ZNF426: variants seen among roughly 807,000 people sequenced by gnomAD.
The protein encoded by ZNF426 is zinc finger protein 426, also known as CTC-543D15.7.
In ZNF426, 23 loss-of-function variants were observed where a neutral mutation model predicts 24.0. The observed-to-expected ratio is 0.96, with a 90% CI of 0.69 to 1.36. The LOEUF (loss-of-function observed/expected upper bound fraction) is 1.36, where lower values mean the gene tolerates loss of function less well. Among genes scored for constraint, ZNF426 ranks in the 40% most tolerant of loss-of-function variants. The pLI, the probability that ZNF426 is intolerant of heterozygous loss-of-function variation, is 0.00. For missense variants in ZNF426, 646 were observed against 658.4 expected, an observed-to-expected ratio of 0.98 and a Z score of 0.21; for synonymous variants, 272 against 224.6, an observed-to-expected ratio of 1.21 and a Z score of -1.89.
At chr19:9,537,451 C>CTTTT (rs199870394) in intron 2 of ZNF426, among the ~76,000 whole-genome samples, 1 of 137,896 alleles carries the variant, frequency 7.3e-6, no homozygotes, top group African/African-American at 2.8e-5. Flanking sequence ...ATATTTAACT[C>CTTTT]TTTTTTTTTT....
In ZNF426 at chr19:9,529,435, T is replaced by G. The variant is rs747069100; in HGVS notation, c.610A>C (p.Lys204Gln). ...EKLSEFNQSE[K>Q]IFSLTPNIVY... ...ATATTTGGTGTCAGGCTGAAGATTTTTTCACTCTGATTAAACTCAGAAAGT... is the reference window on the plus strand; with the variant it reads ...ATATTTGGTGTCAGGCTGAAGATTTGTTCACTCTGATTAAACTCAGAAAGT... The change falls in exon 8 of 8, where the codon AAA becomes CAA. Residue 204 changes from lysine to glutamine, a missense_variant. Lys to Gln is a moderately conservative substitution (Grantham distance 53). Transcript: ENST00000253115. 6.2e-7 allele frequency: 1 copy of G among 1,613,768 alleles called. No homozygotes were observed. Among genetic ancestry groups the G allele is most frequent in the South Asian group, 1.1e-5 (1 of 90,948 alleles).
chr19:9,535,628 T>C (rs556189858), intron 3 of ZNF426, among the ~76,000 whole-genome samples: 1 of 152,050 alleles, frequency 6.6e-6, no homozygotes, highest in Non-Finnish European at 1.5e-5. Context: ...AGTTCGAGAC[T>C]ACCCTGGACA....
intron 4 of ZNF426, among the ~76,000 whole-genome samples, chr19:9,534,909 A>C (rs895227609): frequency 5.3e-5 from 8 of 152,008 alleles, no homozygotes; most frequent in African/African-American, 1.9e-4. Context: ...ATGATTTCCA[A>C]GTTAGCACCT....
intron 5 of ZNF426, 149 bp from the exon 6 acceptor site, chr19:9,533,074 C>T: frequency 1.5e-6 from 1 of 663,140 alleles, no homozygotes; most frequent in Non-Finnish European, 2.6e-6. Flanking sequence ...GTGCCCCAAA[C>T]AGTCTGGTTA....
intron 3 of ZNF426, among the ~76,000 whole-genome samples, chr19:9,535,999 T>C (rs2073959953): frequency 6.6e-6 from 1 of 152,116 alleles, no homozygotes; most frequent in East Asian, 1.9e-4. Flanking sequence ...TGGGACTCTA[T>C]CATGCTGATT....
Position 9,529,149 on chromosome 19 carries a change from A to T in ZNF426, c.896T>A (p.Met299Lys), listed in dbSNP as rs746879232. 1 of 1,614,224 alleles carries T rather than the reference A, an allele frequency of 6.2e-7. No individual in the cohort carries two copies. The highest frequency in any genetic ancestry group is 1.1e-5 in the South Asian group (1 of 91,086). ...TGGTTTCTCCCCAGTGTGGGTTCGC[A>T]TGTGAATACTGAGGTAGGCTGGGTA... is the stretch of plus-strand genomic sequence containing the variant. Reference protein sequence around the residue: ...YRYPAYLSIHMRTHTGEKPYE... With the variant: ...YRYPAYLSIHKRTHTGEKPYE... Residue 299 changes from methionine (M) to lysine (K), a missense_variant, in exon 8 of 8, where the codon ATG (methionine) becomes AAG (lysine). Physicochemically the swap from Met to Lys is moderately conservative, Grantham distance 95 (BLOSUM62 -1). Transcript: ENST00000253115.
intron 6 of ZNF426, among the ~76,000 whole-genome samples, chr19:9,531,729 A>C (rs1240941197): frequency 6.6e-6 from 1 of 152,208 alleles, no homozygotes; most frequent in East Asian, 1.9e-4. Flanking sequence ...TCATGCCTTT[A>C]ATCCCAGCAC....
Position 9,529,084 on chromosome 19 carries a change from T to A in ZNF426, c.961A>T (p.Asn321Tyr). 6.2e-7 allele frequency: 1 copy of A among 1,613,542 alleles called. No homozygotes were observed. The highest frequency in any genetic ancestry group is 8.5e-7 in the Non-Finnish European group (1 of 1,179,874). The part of the protein sequence containing the change: ...KECGKAFNYS[N>Y]SFQIHGRTHT... ...GTTCTTCCATGTATCTGAAATGAGT[T>A]GGAATAATTGAAGGCTTTCCCACAT... The change falls in exon 8 of 8, where the codon AAC becomes TAC. Residue 321 changes from asparagine (N) to tyrosine (Y), a missense_variant. Physicochemically the swap from Asn to Tyr is moderately radical, Grantham distance 143 (BLOSUM62 -2). Coordinates refer to ENST00000253115, the MANE Select transcript of ZNF426 (RefSeq NM_024106.3).
At position 9,537,129 on chromosome 19, in the gene ZNF426, CA is replaced by C. The variant is rs546953266; in HGVS notation, c.-124-774del. The stretch of plus-strand genomic sequence containing the variant: ...TAGGTGACAGAGCAAGACTCTGTCT[CA>C]AAAAAAAAATAATAATAATAATAAT... On this transcript the variant is annotated intron_variant, in intron 2 of 7. Transcript: ENST00000253115. Among the ~76,000 whole-genome samples the C allele has an allele frequency of 3.7e-4, 50 of 136,096 alleles. 1 individual carries two copies. The East Asian group carries it at 5.9e-3, about 16-fold the overall frequency. The allele number at this position is 136,096 out of a possible 152,430, so 89.3% of individuals were successfully genotyped here. A position where few individuals can be genotyped will look rare whatever the true frequency, so the allele number is the denominator to read the frequency against.
At position 9,524,151 on chromosome 19, in the gene ZNF426, C is replaced by T. The variant is rs1226689059; in HGVS notation, c.*4229G>A. The T allele has an allele frequency of 1.3e-5, 2 of 152,536 alleles. No homozygotes were observed. The highest frequency in any genetic ancestry group is 2.9e-5 in the Non-Finnish European group (2 of 68,122). The allele number at this position is 152,536 out of a possible 1,614,324, so 9.4% of individuals were successfully genotyped here. ...GGGAATCCTGACATACACTTTAAGG[C>T]TTGAGAAATAAGTGAAGATTTTCCC... On this transcript the variant is annotated 3_prime_UTR_variant, in exon 8 of 8. Transcript: ENST00000253115.
At position 9,523,393 on chromosome 19, in the gene ZNF426, T is replaced by C. The variant is rs1055855633; in HGVS notation, c.*4987A>G. ...TTTCCGGTCACTTCACATAAAATTC[T>C]GTGCCTGCTACCCTGGTATCTCTTT... On this transcript the variant is annotated 3_prime_UTR_variant, in exon 8 of 8. Transcript: ENST00000253115. 6.6e-6 allele frequency: 1 copy of C among 152,192 alleles called. No homozygotes were observed. Among genetic ancestry groups the C allele is most frequent in the African/African-American group, 2.4e-5 (1 of 41,420 alleles). The allele number at this position is 152,192 out of a possible 1,614,324, so 9.4% of individuals were successfully genotyped here. A position where few individuals can be genotyped will look rare whatever the true frequency, so the allele number is the denominator to read the frequency against.
Position 9,528,871 on chromosome 19 carries a change from A to G in ZNF426, c.1174T>C (p.Phe392Leu). Reference protein sequence around the residue: ...HIRTHTGEKPFVCVECGKAFA... With the variant: ...HIRTHTGEKPLVCVECGKAFA... ...GCTTTCCCACATTCAACACATACAA[A>G]AGGCTTCTCTCCAGTGTGAGTTCTT... Residue 392 changes from phenylalanine (F) to leucine (L), a missense_variant, in exon 8 of 8, where the codon TTT (phenylalanine) becomes CTT (leucine). Physicochemically the swap from Phe to Leu is conservative, Grantham distance 22 (BLOSUM62 0). Transcript: ENST00000253115. 10 of 1,614,220 alleles carry G rather than the reference A, an allele frequency of 6.2e-6. No homozygotes were observed. The highest frequency in any genetic ancestry group is 8.5e-6 in the Non-Finnish European group (10 of 1,180,034).
In ZNF426 at chr19:9,529,466, A is replaced by T. The variant is rs773488645; in HGVS notation, c.579T>A (p.Gly193=). Residue 193 remains glycine (G), a synonymous_variant, in exon 8 of 8, where the codon GGT becomes GGA. Coordinates refer to ENST00000253115, the MANE Select transcript of ZNF426 (RefSeq NM_024106.3). ...TCTGATTAAACTCAGAAAGTTTCTC[A>T]CCAGTAGAGGTTTTCTCACACAGGG... The part of the protein sequence containing the change: ...FLTLCEKTST[G]EKLSEFNQSE... The T allele has an allele frequency of 1.2e-6, 2 of 1,614,078 alleles. No homozygotes were observed. Among genetic ancestry groups the T allele is most frequent in the Non-Finnish European group, 8.5e-7 (1 of 1,180,016 alleles).
intron 4 of ZNF426, among the ~76,000 whole-genome samples, chr19:9,534,308 C>T (rs1313988250): frequency 6.6e-6 from 1 of 151,596 alleles, no homozygotes; most frequent in Non-Finnish European, 1.5e-5. Context: ...CAGGTTCAAG[C>T]AACTCTCCTG....
In ZNF426 at chr19:9,533,850, C is replaced by T. The variant is rs373309259; in HGVS notation, c.234G>A (p.Leu78=). The T allele has an allele frequency of 1.2e-4, 191 of 1,614,050 alleles. No individual in the cohort carries two copies. The East Asian group carries it at 1.8e-3, about 15-fold the overall frequency. ...TGAGGCCAGTCTTACCTACTGTGGC[C>T]AGGTTCTTGTAGTTCTCCAGCATCA... The part of the protein sequence containing the change: ...SDVMLENYKN[L]ATVGGQIIKP... The change falls in exon 5 of 8, where the codon CTG becomes CTA. Residue 78 remains leucine, a synonymous_variant. Transcript: ENST00000253115.
rs1178349766 is a variant in ZNF426 at position 9,527,098 on chromosome 19, A to G, written c.*1282T>C. On this transcript the variant is annotated 3_prime_UTR_variant, in exon 8 of 8. Coordinates refer to ENST00000253115, the MANE Select transcript of ZNF426 (RefSeq NM_024106.3). ...TATTTTGATAGTATAAGGTACTAAC[A>G]CTACTCAAGAAACGGTACAGTATTA... 1 of 152,184 alleles carries G rather than the reference A, an allele frequency of 6.6e-6. No individual in the cohort carries two copies. The highest frequency in any genetic ancestry group is 1.5e-5 in the Non-Finnish European group (1 of 68,030). 9.4% of individuals were successfully genotyped at this position (152,184 alleles called of 1,614,324 possible).
chr19:9,531,066 T>G lies in ZNF426; in HGVS notation c.327A>C (p.Gly109=). ...ACTGGGTTTCAAGTCGCATTTCCCATCCTGAAATAAAACAGACAAACAAAT... is the reference window on the plus strand; with the variant it reads ...ACTGGGTTTCAAGTCGCATTTCCCAGCCTGAAATAAAACAGACAAACAAAT... ...SRTVQGGVLQ[G]WEMRLETQWS... Residue 109 remains glycine (G), a splice_region_variant and synonymous_variant, in exon 7 of 8, where the codon GGA becomes GGC. Transcript: ENST00000253115. 1.2e-6 allele frequency: 2 copies of G among 1,613,532 alleles called. No individual in the cohort carries two copies.
At chr19:9,538,125 C>T (rs2073996085) in intron 2 of ZNF426, 134 bp downstream of exon 2, 1 of 152,180 alleles carries the variant, frequency 6.6e-6, no homozygotes, top group Non-Finnish European at 1.5e-5. Flanking sequence ...GCATCTTTAT[C>T]TTTCGCCATG....
rs1007851793 is a variant in ZNF426 at position 9,523,901 on chromosome 19, G to A, written c.*4479C>T. 1 of 152,222 alleles carries A rather than the reference G, an allele frequency of 6.6e-6. No homozygotes were observed. The highest frequency in any genetic ancestry group is 1.5e-5 in the Non-Finnish European group (1 of 68,054). The allele number at this position is 152,222 out of a possible 1,614,324, so 9.4% of individuals were successfully genotyped here. ...ACCAGTACCAGTCCATGGCCCAGGG[G>A]TTTGGGGATCCCTGACCTAGGCCAT... is the stretch of plus-strand genomic sequence containing the variant. On this transcript the variant is annotated 3_prime_UTR_variant, in exon 8 of 8. Transcript: ENST00000253115.
Sources: gnomAD v4.1 joint callset for allele counts (sites outside exome capture counted in the v4.1 genomes callset) on GRCh38, gnomAD v4.1.1 for gene constraint, MANE v1.5 for transcripts, NCBI Gene and HGNC (gene_info 2026-07-23, HGNC 2026-07-21) for gene names.